Variants in NAALADL2 observed in about 807,000 individuals in gnomAD.
The protein encoded by NAALADL2 is N-acetylated alpha-linked acidic dipeptidase like 2, also known as inactive N-acetylated-alpha-linked acidic dipeptidase-like protein 2.
Under a neutral mutation model 87.2 loss-of-function variants are expected in NAALADL2, and 76 were observed. That is an observed-to-expected ratio of 0.87 (90% CI 0.72 to 1.05). The LOEUF (loss-of-function observed/expected upper bound fraction) is 1.05, where lower values mean the gene tolerates loss of function less well. NAALADL2 is among the 50% of genes least tolerant of loss of function. NAALADL2 has a pLI of 0.00. For missense variants in NAALADL2, 1,089 were observed against 945.8 expected, an observed-to-expected ratio of 1.15 and a Z score of -1.99; for synonymous variants, 354 against 331.0, an observed-to-expected ratio of 1.07 and a Z score of -0.75.
intron 2 of NAALADL2, among the ~76,000 whole-genome samples, chr3:175,151,497 A>G (rs1226967060): frequency 2.6e-5 from 4 of 152,180 alleles, no homozygotes; most frequent in Non-Finnish European, 5.9e-5. Flanking sequence ...CTTTTAATTC[A>G]TAGCAAATAG....
At chr3:175,292,423 T>G (rs770672412) in intron 4 of NAALADL2, among the ~76,000 whole-genome samples, 36 of 152,208 alleles carry the variant, frequency 2.4e-4, no homozygotes, top group Non-Finnish European at 5.0e-4. Context: ...GGTATGTTTG[T>G]GTAGAAAGTG....
At chr3:175,585,814 C>G (rs1053394418) in intron 10 of NAALADL2, among the ~76,000 whole-genome samples, 5 of 151,892 alleles carry the variant, frequency 3.3e-5, no homozygotes, top group African/African-American at 1.2e-4. Context: ...AGGTGAGTTG[C>G]TTTTATGTTG....
chr3:174,526,678 C>CT lies in NAALADL2; in HGVS notation c.-183-23876dup, dbSNP rs11333906. Among the ~76,000 whole-genome samples, 459 of 138,288 alleles carry CT rather than the reference C, an allele frequency of 3.3e-3. 3 individuals are homozygous for CT. Among genetic ancestry groups the CT allele is most frequent in the South Asian group, 0.018 (76 of 4,312 alleles). 90.7% of individuals were successfully genotyped at this position (138,288 alleles called of 152,430 possible). On this transcript the variant is annotated intron_variant, in intron 1 of 3. Transcript: ENST00000434257. ...TAACACTGAAATTGTTTTTCTTTTT[C>CT]TTTTTTTTTTTTTTTGAGATGGAGT...
chr3:175,193,261 T>C (rs1738473382), intron 2 of NAALADL2, among the ~76,000 whole-genome samples: 1 of 151,930 alleles, frequency 6.6e-6, no homozygotes, highest in Admixed American at 6.6e-5. Context: ...TTGGTTTTCT[T>C]ATTGTAAAAT....
chr3:175,158,468 CT>C (rs1333732516), intron 2 of NAALADL2, among the ~76,000 whole-genome samples: 1 of 151,972 alleles, frequency 6.6e-6, no homozygotes, highest in African/African-American at 2.4e-5. Flanking sequence ...TGCATTGGAC[CT>C]GTTTGAAAAT....
intron 5 of NAALADL2, among the ~76,000 whole-genome samples, chr3:175,347,593 A>C (rs1763288105): frequency 6.6e-6 from 1 of 152,106 alleles, no homozygotes; most frequent in African/African-American, 2.4e-5. Context: ...AATAACAATA[A>C]ATGATGACAG....
At chr3:174,816,496 CATT>C (rs1202600739) in intron 3 of NAALADL2, among the ~76,000 whole-genome samples, 10 of 131,202 alleles carry the variant, frequency 7.6e-5, no homozygotes, top group African/African-American at 3.1e-4. Flanking sequence ...CATATATATA[CATT>C]ATTTTATACA....
At position 175,481,335 on chromosome 3, in the gene NAALADL2, CTG is replaced by C. The variant is rs3040504; in HGVS notation, c.1653+9607_1653+9608del. On this transcript the variant is annotated intron_variant, in intron 9 of 13. Coordinates refer to ENST00000454872, the MANE Select transcript of NAALADL2 (RefSeq NM_207015.3). ...TTCTTTGTCATTACTAACAATGCCA[CTG>C]TGTGTGTGTGTGTGTGTGTGTGTGT... Among the ~76,000 whole-genome samples the C allele has an allele frequency of 7.8e-3, 1,117 of 143,442 alleles. 7 individuals carry two copies. Among genetic ancestry groups the C allele is most frequent in the African/African-American group, 0.016 (639 of 39,142 alleles). 94.1% of individuals were successfully genotyped at this position (143,442 alleles called of 152,430 possible). A position where few individuals can be genotyped will look rare whatever the true frequency, so the allele number is the denominator to read the frequency against.
intron 10 of NAALADL2, among the ~76,000 whole-genome samples, chr3:175,599,019 A>G (rs1347607040): frequency 6.6e-6 from 1 of 152,168 alleles, no homozygotes; most frequent in East Asian, 1.9e-4. Flanking sequence ...CCTTGAGTGC[A>G]GGTGTTACTT....
intron 10 of NAALADL2, among the ~76,000 whole-genome samples, chr3:175,618,494 A>G (rs1725670145): frequency 6.6e-6 from 1 of 152,172 alleles, no homozygotes; most frequent in African/African-American, 2.4e-5. Context: ...CCAAACCCTT[A>G]TGCAAAGGAA....
intron 1 of NAALADL2, among the ~76,000 whole-genome samples, chr3:175,074,045 T>C (rs150851665): frequency 1.4e-3 from 209 of 152,144 alleles, no homozygotes; most frequent in African/African-American, 4.7e-3. Flanking sequence ...GTGAGTTCCA[T>C]AAGGGTGGGG....
At chr3:175,505,684 CA>C (rs1730210987) in intron 9 of NAALADL2, among the ~76,000 whole-genome samples, 1 of 151,870 alleles carries the variant, frequency 6.6e-6, no homozygotes, top group African/African-American at 2.4e-5. Context: ...CTGGAAAAGA[CA>C]ATAAAAATGT....
chr3:174,705,823 A>G (rs1388814359), intron 2 of NAALADL2, among the ~76,000 whole-genome samples: 1 of 152,092 alleles, frequency 6.6e-6, no homozygotes, highest in Non-Finnish European at 1.5e-5. Context: ...GGTCTCTTAA[A>G]TTATCAGTGT....
At chr3:174,569,947 G>A (rs1378470668) in intron 2 of NAALADL2, among the ~76,000 whole-genome samples, 2 of 151,986 alleles carry the variant, frequency 1.3e-5, no homozygotes, top group Admixed American at 6.6e-5. Flanking sequence ...TTCTCTGTAA[G>A]GCTTCATCAA....
chr3:175,309,464 G>A (rs572109021), intron 4 of NAALADL2, among the ~76,000 whole-genome samples: 50 of 152,054 alleles, frequency 3.3e-4, no homozygotes, highest in African/African-American at 1.1e-3. Context: ...GGGATTACAG[G>A]CATGAGCCAC....
chr3:175,085,228 C>G (rs1718649839), intron 1 of NAALADL2, among the ~76,000 whole-genome samples: 1 of 152,174 alleles, frequency 6.6e-6, no homozygotes, highest in African/African-American at 2.4e-5. Flanking sequence ...TCAACTCTGT[C>G]TCTTAATAGT....
intron 5 of NAALADL2, among the ~76,000 whole-genome samples, chr3:175,330,689 C>A (rs1761292460): frequency 6.6e-6 from 1 of 151,868 alleles, no homozygotes; most frequent in Admixed American, 6.6e-5. Context: ...GCAAAAACAC[C>A]TATATCAAAA....
intron 5 of NAALADL2, among the ~76,000 whole-genome samples, chr3:175,382,247 A>T (rs1196932521): frequency 1.3e-5 from 2 of 152,210 alleles, no homozygotes; most frequent in Non-Finnish European, 2.9e-5. Context: ...CAAATGGTTC[A>T]TGAAACAGTA....
chr3:175,466,961 G>T lies in NAALADL2; in HGVS notation c.1328-18G>T. On this transcript the variant is annotated intron_variant, in intron 7 of 13. Coordinates refer to ENST00000454872, the MANE Select transcript of NAALADL2 (RefSeq NM_207015.3). ...GTTTACATTTTTTTAAATGGCTCTTGTCCCTTTCTATTTTCAGACCGGTAT... is the reference window on the plus strand; with the variant it reads ...GTTTACATTTTTTTAAATGGCTCTTTTCCCTTTCTATTTTCAGACCGGTAT... 6.3e-7 allele frequency: 1 copy of T among 1,581,214 alleles called. No individual in the cohort carries two copies. The highest frequency in any genetic ancestry group is 2.2e-5 in the East Asian group (1 of 44,618).
Sources: allele counts gnomAD v4.1 joint callset (sites outside exome capture counted in the v4.1 genomes callset), GRCh38; gene constraint gnomAD v4.1.1; transcripts MANE v1.5; gene names NCBI Gene and HGNC (gene_info 2026-07-23, HGNC 2026-07-21).